The following TERB1 variants were observed in gnomAD, a reference collection of about 807,000 sequenced individuals.
TERB1 encodes the protein telomere repeats-binding bouquet formation protein 1.
In TERB1, 63 loss-of-function variants were observed where a neutral mutation model predicts 92.3. The observed-to-expected ratio is 0.68, with a 90% confidence interval of 0.56 to 0.84. The LOEUF is 0.84. Among genes scored for constraint, TERB1 ranks in the 40% least tolerant of loss-of-function variants. TERB1 has a pLI of 0.00. For missense variants in TERB1, 709 were observed against 843.7 expected (o/e 0.84, Z 1.98); for synonymous variants, 252 against 283.9 (o/e 0.89, Z 1.13).
At chr16:66,766,518 G>GA (rs1286523306) in intron 16 of TERB1, among the ~76,000 whole-genome samples, 1 of 151,890 alleles carries the variant, frequency 6.6e-6, no homozygotes, top group Admixed American at 6.6e-5. Context: ...GAGCCCTGCA[G>GA]AAAAAACAAA....
chr16:66,767,489 T>C lies in TERB1; in HGVS notation c.1706A>G (p.Asp569Gly). ...ACTGACTACTTCTTTATTTATTATA[T>C]CTGAACATAATGTAAATGGATCTGA... ...PVTDPFTLCSDIINKEVVSFL... is the reference protein window; with the variant it reads ...PVTDPFTLCSGIINKEVVSFL... Residue 569 changes from aspartate to glycine, a missense_variant, in exon 16 of 19, where the codon GAT becomes GGT. Asp to Gly is a moderately conservative substitution (Grantham distance 94, BLOSUM62 -1). Transcript: ENST00000433154. The C allele has an allele frequency of 6.6e-7, 1 of 1,506,550 alleles. No homozygotes were observed. The highest frequency in any genetic ancestry group is 8.9e-7 in the Non-Finnish European group (1 of 1,125,238). 93.3% of individuals were successfully genotyped at this position (1,506,550 alleles called of 1,614,324 possible).
chr16:66,761,181 G>GT (rs2018240681), intron 16 of TERB1, among the ~76,000 whole-genome samples: 1 of 150,640 alleles, frequency 6.6e-6, no homozygotes, highest in Non-Finnish European at 1.5e-5. Context: ...GCTGGGTGCA[G>GT]TGGCTCATGC....
At chr16:66,796,704 T>G in intron 3 of TERB1, 64 bp downstream of exon 3, 1 of 1,101,492 alleles carries the variant, frequency 9.1e-7, no homozygotes, top group Non-Finnish European at 1.3e-6. Context: ...TCCTGTCAGA[T>G]AATCTACAGT....
At chr16:66,792,594 T>G (rs997550100) in intron 3 of TERB1, among the ~76,000 whole-genome samples, 1 of 152,204 alleles carries the variant, frequency 6.6e-6, no homozygotes, top group Non-Finnish European at 1.5e-5. Context: ...AAAAATAGAT[T>G]GTACAGCCAA....
At chr16:66,762,688 CTTTT>C (rs938590342) in intron 16 of TERB1, among the ~76,000 whole-genome samples, 4 of 136,962 alleles carry the variant, frequency 2.9e-5, no homozygotes, top group Non-Finnish European at 6.4e-5. Flanking sequence ...CCAGCCGGGA[CTTTT>C]TTTTTTTCTG....
intron 1 of TERB1, 92 bp downstream of exon 1, chr16:66,801,376 C>A (rs941065121): frequency 6.6e-6 from 1 of 152,386 alleles, no homozygotes; most frequent in Non-Finnish European, 1.5e-5. Context: ...CCCCGTCCCC[C>A]CAACTCGACC....
intron 6 of TERB1, among the ~76,000 whole-genome samples, chr16:66,787,273 TTTTC>T (rs985828411): frequency 5.8e-5 from 8 of 137,634 alleles, no homozygotes; most frequent in Admixed American, 4.0e-4. Flanking sequence ...TAATTTTTCT[TTTTC>T]TTTTTCTTTT....
At chr16:66,785,167 CTGCCACCATGCCCAGCTAATTGT>C (rs1287716923) in intron 9 of TERB1, among the ~76,000 whole-genome samples, 6 of 151,704 alleles carry the variant, frequency 4.0e-5, no homozygotes, top group Admixed American at 6.6e-5. Context: ...TTATAGGTGT[CTGCCACCATGCCCAGCTAATTGT>C]TGCCAACATG....
chr16:66,795,860 C>CA (rs1223349468), intron 3 of TERB1, among the ~76,000 whole-genome samples: 8 of 152,108 alleles, frequency 5.3e-5, no homozygotes, highest in Non-Finnish European at 8.8e-5. Context: ...GTGATCCTCC[C>CA]ACCTCAGCCT....
chr16:66,783,368 T>C (rs1217083604), intron 9 of TERB1, among the ~76,000 whole-genome samples: 2 of 152,216 alleles, frequency 1.3e-5, no homozygotes, highest in African/African-American at 4.8e-5. Context: ...AGACTGTTAA[T>C]ATGATGAATT....
Position 66,785,825 on chromosome 16 carries a change from G to A in TERB1, c.661C>T (p.Pro221Ser). Reference sequence around the variant, plus strand: ...GTGAGTCCAATAAATGAGCAAATAGGGCGAATTATCTCAGGTGTCGTGCAA... The same window carrying A: ...GTGAGTCCAATAAATGAGCAAATAGAGCGAATTATCTCAGGTGTCGTGCAA... ...KNCTTPEIIR[P>S]ICSFIGLTLA... The change falls in exon 9 of 19, where the codon CCT (proline) becomes TCT (serine). Residue 221 changes from proline to serine, a missense_variant. Coordinates refer to ENST00000433154, the MANE Select transcript of TERB1 (RefSeq NM_001136505.2). 1.3e-6 allele frequency: 2 copies of A among 1,547,970 alleles called. No homozygotes were observed. The highest frequency in any genetic ancestry group is 1.7e-6 in the Non-Finnish European group (2 of 1,145,338).
At chr16:66,798,461 C>A (rs969145373) in intron 2 of TERB1, among the ~76,000 whole-genome samples, 1 of 152,148 alleles carries the variant, frequency 6.6e-6, no homozygotes, top group African/African-American at 2.4e-5. Context: ...AGATTAGAGG[C>A]ATGAGTCACC....
In TERB1 at chr16:66,758,971, C is replaced by T. The variant is rs1188835817; in HGVS notation, c.1931-133G>A. ...AGATAGATTAGGAAGAATTTTTAAA[C>T]CAACAGTCTAAGACTACTCCCTGGG... On this transcript the variant is annotated intron_variant, in intron 17 of 18. Coordinates refer to ENST00000433154, the MANE Select transcript of TERB1 (RefSeq NM_001136505.2). 4 of 943,904 alleles carry T rather than the reference C, an allele frequency of 4.2e-6. No individual in the cohort carries two copies. The African/African-American group carries it at 6.7e-5, about 16-fold the overall frequency. 58.5% of individuals were successfully genotyped at this position (943,904 alleles called of 1,614,324 possible).
chr16:66,754,685 G>A lies in TERB1; in HGVS notation c.*291C>T. ...AATATAATGTCAAATAACATTTAAA[G>A]GCTAATTCTTTTCTCTGTGTCCTTT... On this transcript the variant is annotated 3_prime_UTR_variant, in exon 19 of 19. Transcript: ENST00000433154. 3.0e-6 allele frequency: 1 copy of A among 329,008 alleles called. No individual in the cohort carries two copies. 20.4% of individuals were successfully genotyped at this position (329,008 alleles called of 1,614,324 possible). A position where few individuals can be genotyped will look rare whatever the true frequency, so the allele number is the denominator to read the frequency against.
chr16:66,755,623 AAAG>A (rs1261330132), intron 18 of TERB1, among the ~76,000 whole-genome samples: 2 of 151,840 alleles, frequency 1.3e-5, no homozygotes, highest in African/African-American at 4.8e-5. Flanking sequence ...AAAAATACAA[AAAG>A]TAGCCAGGCA....
intron 9 of TERB1, among the ~76,000 whole-genome samples, chr16:66,782,765 G>A (rs192173331): frequency 6.6e-6 from 1 of 152,236 alleles, no homozygotes; most frequent in Non-Finnish European, 1.5e-5. Context: ...TTTTGCTTGG[G>A]AATTCCATGA....
In TERB1 at chr16:66,779,014, T is replaced by A. The variant is rs1374359480; in HGVS notation, c.702A>T (p.Thr234=). 2.0e-6 allele frequency: 3 copies of A among 1,485,024 alleles called. No individual in the cohort carries two copies. In the South Asian group the frequency reaches 4.0e-5, roughly 20 times the overall value. 92.0% of individuals were successfully genotyped at this position (1,485,024 alleles called of 1,614,324 possible). The change falls in exon 10 of 19, where the codon ACA becomes ACT. Residue 234 remains threonine (T), a splice_region_variant and synonymous_variant. Transcript: ENST00000433154. Reference sequence around the variant, plus strand: ...CAGATACGAAGTATTTCTGAACATATGCTTAAAGAATAAAGTAGCAAAACT... The same window carrying A: ...CAGATACGAAGTATTTCTGAACATAAGCTTAAAGAATAAAGTAGCAAAACT... ...SFIGLTLANN[T]YVQKYFVSVG...
chr16:66,773,446 T>C (rs2018489196), intron 12 of TERB1, among the ~76,000 whole-genome samples: 1 of 152,178 alleles, frequency 6.6e-6, no homozygotes, highest in Non-Finnish European at 1.5e-5. Context: ...AGATCAAAAT[T>C]CTCATCATGG....
At chr16:66,798,435 GCC>G (rs1226312908) in intron 2 of TERB1, among the ~76,000 whole-genome samples, 2 of 152,116 alleles carry the variant, frequency 1.3e-5, no homozygotes, top group Non-Finnish European at 2.9e-5. Context: ...TCCCGTCTTG[GCC>G]TCCCAAAGGG....
Sources: allele counts gnomAD v4.1 joint callset (sites outside exome capture counted in the v4.1 genomes callset), GRCh38; gene constraint gnomAD v4.1.1; transcripts MANE v1.5; gene names NCBI Gene and HGNC (gene_info 2026-07-23, HGNC 2026-07-21).